Variants in BRAF observed in about 807,000 individuals in gnomAD.
The protein encoded by BRAF is B-Raf proto-oncogene, serine/threonine kinase, also known as serine/threonine-protein kinase B-raf.
Under a neutral mutation model 104.6 loss-of-function variants are expected in BRAF, and 16 were observed. The observed-to-expected ratio is 0.15, with a 90% CI of 0.10 to 0.23. The LOEUF (loss-of-function observed/expected upper bound fraction) is 0.23, where lower values mean the gene tolerates loss of function less well. Among genes scored for constraint, BRAF ranks in the 10% least tolerant of loss-of-function variants. The pLI, the probability that BRAF is intolerant of heterozygous loss-of-function variation, is 1.00. For missense variants in BRAF, 541 were observed against 937.3 expected, an observed-to-expected ratio of 0.58 and a Z score of 5.52; for synonymous variants, 310 against 341.6, an observed-to-expected ratio of 0.91 and a Z score of 1.02.
chr7:140,773,615 C>T (rs1453807301), intron 14 of BRAF, among the ~76,000 whole-genome samples: 1 of 152,184 alleles, frequency 6.6e-6, no homozygotes, highest in Non-Finnish European at 1.5e-5. Context: ...AACTTCCAGT[C>T]TACTGCTAGG....
chr7:140,814,792 C>CATATATATATTATATATGTT (rs1804673305), intron 3 of BRAF, among the ~76,000 whole-genome samples: 1 of 137,900 alleles, frequency 7.3e-6, no homozygotes, highest in African/African-American at 2.7e-5. Flanking sequence ...TTATATATAA[C>CATATATATATTATATATGTT]ATATATATAT....
intron 14 of BRAF, among the ~76,000 whole-genome samples, chr7:140,766,650 T>C (rs149452344): frequency 0.057 from 8,617 of 152,060 alleles, 291 homozygotes; most frequent in South Asian, 0.11. Flanking sequence ...TGGTGCAATC[T>C]CCACTCACTG....
intron 3 of BRAF, among the ~76,000 whole-genome samples, chr7:140,815,355 C>CAAGAT (rs1188538198): frequency 1.3e-5 from 2 of 151,532 alleles, no homozygotes; most frequent in Non-Finnish European, 2.9e-5. Context: ...CCTTGTTAGC[C>CAAGAT]AAGATGGTCT....
At chr7:140,807,456 T>TGA (rs1453425116) in intron 5 of BRAF, among the ~76,000 whole-genome samples, 3 of 151,794 alleles carry the variant, frequency 2.0e-5, no homozygotes, top group Non-Finnish European at 2.9e-5. Context: ...AAGATGTCCG[T>TGA]GACATCCTGT....
intron 12 of BRAF, among the ~76,000 whole-genome samples, chr7:140,778,707 A>T (rs1051915986): frequency 3.6e-4 from 54 of 151,678 alleles, no homozygotes; most frequent in Admixed American, 2.0e-3. Context: ...ATAATAATAA[A>T]AAAAGAAAAT....
chr7:140,767,716 C>G (rs192899304), intron 14 of BRAF, among the ~76,000 whole-genome samples: 1 of 152,252 alleles, frequency 6.6e-6, no homozygotes, highest in Admixed American at 6.5e-5. Flanking sequence ...GTTGGGGAAG[C>G]AACATGCTTT....
At chr7:140,794,220 C>A in intron 8 of BRAF, 88 bp downstream of exon 8, 1 of 1,501,698 alleles carries the variant, frequency 6.7e-7, no homozygotes, top group Admixed American at 1.7e-5. Context: ...AAAAATGGCA[C>A]TTATTTCTGA....
chr7:140,880,357 C>T (rs955935251), intron 1 of BRAF, among the ~76,000 whole-genome samples: 7 of 152,200 alleles, frequency 4.6e-5, no homozygotes, highest in East Asian at 1.9e-4. Flanking sequence ...TGTAGCAATT[C>T]GGTCACATCT....
rs184339421 is a variant in BRAF at position 140,887,090 on chromosome 7, A to C, written c.139-36878T>G. Among the ~76,000 whole-genome samples, 54 of 152,362 alleles carry C rather than the reference A, an allele frequency of 3.5e-4. No individual in the cohort carries two copies. The East Asian group carries it at 6.9e-3, about 20-fold the overall frequency. ...TAGCAAGGAGGAAGCCACAGTTTTG[A>C]GTAACTGACCATTCCAAAACAGAAA... On this transcript the variant is annotated intron_variant, in intron 1 of 19. Transcript: ENST00000644969.
rs1259806158 is a variant in BRAF, at chr7:140,800,446, G to C, written c.896C>G (p.Pro299Arg). The C allele has an allele frequency of 1.2e-6, 2 of 1,614,112 alleles. No homozygotes were observed. The highest frequency in any genetic ancestry group is 4.5e-5 in the East Asian group (2 of 44,878). ...TAAGGACGCCTCTTCCTGTGGTATTGGGTGGTGTTCAAAGAACTTGGAGAC... is the reference window on the plus strand; with the variant it reads ...TAAGGACGCCTCTTCCTGTGGTATTCGGTGGTGTTCAAAGAACTTGGAGAC... ...LFVSKFFEHHPIPQEEASLAE... is the reference protein window; with the variant it reads ...LFVSKFFEHHRIPQEEASLAE... The change falls in exon 7 of 20, where the codon CCA becomes CGA. Residue 299 changes from proline to arginine, a missense_variant. By Grantham distance (103) the Pro-to-Arg change is moderately radical. Around this residue, in one of 10 missense-constraint regions of BRAF, gnomAD observed 79 missense variants for 74.6 expected, o/e 1.06. Transcript: ENST00000644969.
At chr7:140,867,273 C>G (rs1811070967) in intron 1 of BRAF, among the ~76,000 whole-genome samples, 1 of 152,080 alleles carries the variant, frequency 6.6e-6, no homozygotes. Context: ...GTCTATGTCT[C>G]TATAAGAAGT....
intron 14 of BRAF, among the ~76,000 whole-genome samples, chr7:140,764,552 C>T (rs202148772): frequency 0.3 from 44,596 of 151,060 alleles, 10,547 homozygotes; most frequent in African/African-American, 0.66. Context: ...GAAAACCCCA[C>T]TGTCTCAGCC....
rs552813789 is a variant in BRAF at position 140,724,104 on chromosome 7, T to A, written c.*2390A>T. 5.3e-5 allele frequency: 56 copies of A among 1,050,100 alleles called. No homozygotes were observed. In the East Asian group the frequency reaches 2.9e-3, roughly 54 times the overall value. 65.0% of individuals were successfully genotyped at this position (1,050,100 alleles called of 1,614,324 possible). A position where few individuals can be genotyped will look rare whatever the true frequency, so the allele number is the denominator to read the frequency against. On this transcript the variant is annotated 3_prime_UTR_variant, in exon 20 of 20. Coordinates refer to ENST00000644969, the MANE Select transcript of BRAF (RefSeq NM_001374258.1). Reference sequence around the variant, plus strand: ...AGTCTGCTCCCCCGTTCAAATGAGATACCAGCCTATTCTAAAATGCAAGGG... The same window carrying A: ...AGTCTGCTCCCCCGTTCAAATGAGAAACCAGCCTATTCTAAAATGCAAGGG...
intron 7 of BRAF, among the ~76,000 whole-genome samples, chr7:140,795,516 T>C (rs1802409363): frequency 6.6e-6 from 1 of 151,966 alleles, no homozygotes; most frequent in Non-Finnish European, 1.5e-5. Flanking sequence ...GTTGAGGGAA[T>C]AAAAAGACAC....
intron 1 of BRAF, among the ~76,000 whole-genome samples, chr7:140,871,239 CAAAAAAAAAAA>C (rs11284186): frequency 1.8e-4 from 11 of 61,174 alleles, no homozygotes; most frequent in South Asian, 1.7e-3. Flanking sequence ...GACTCCGTCT[CAAAAAAAAAAA>C]AAAAAAAAAA....
chr7:140,716,735 C>A (rs1365288417), downstream of BRAF, among the ~76,000 whole-genome samples: 3 of 152,134 alleles, frequency 2.0e-5, no homozygotes, highest in African/African-American at 4.8e-5. Flanking sequence ...TCCTAGGGAA[C>A]CTTAATGTAA....
intron 1 of BRAF, among the ~76,000 whole-genome samples, chr7:140,898,856 C>T (rs988650691): frequency 3.3e-5 from 5 of 152,176 alleles, no homozygotes; most frequent in Non-Finnish European, 5.9e-5. Context: ...AAACTGTTTA[C>T]GAATAGAATC....
chr7:140,842,993 T>A (rs879245264), intron 2 of BRAF, among the ~76,000 whole-genome samples: 1 of 152,200 alleles, frequency 6.6e-6, no homozygotes, highest in Admixed American at 6.5e-5. Context: ...AGATTTATCT[T>A]CCTATAGAAA....
chr7:140,734,786 G>GAAAAAAAAAAT lies in BRAF; in HGVS notation c.2248-17_2248-16insATTTTTTTTTT. 2.4e-6 allele frequency: 2 copies of GAAAAAAAAAAT among 821,484 alleles called. No homozygotes were observed. The highest frequency in any genetic ancestry group is 3.0e-6 in the Non-Finnish European group (2 of 662,036). 50.9% of individuals were successfully genotyped at this position (821,484 alleles called of 1,614,324 possible). A position where few individuals can be genotyped will look rare whatever the true frequency, so the allele number is the denominator to read the frequency against. The stretch of plus-strand genomic sequence containing the variant: ...AGGCGAGAATCTACAAAAAAAAAAA[G>GAAAAAAAAAAT]AAAAAAAAAAGAAAAAAAAAGAAAA... On this transcript the variant is annotated splice_polypyrimidine_tract_variant and intron_variant, in intron 18 of 19. Transcript: ENST00000644969.
Sources: allele counts gnomAD v4.1 joint callset (sites outside exome capture counted in the v4.1 genomes callset), GRCh38; gene constraint gnomAD v4.1.1; regional missense constraint gnomAD v4.1.1; transcripts MANE v1.5; gene names NCBI Gene and HGNC (gene_info 2026-07-23, HGNC 2026-07-21).